RABGEF1: variants seen among roughly 807,000 people sequenced by gnomAD.
RABGEF1 encodes rab5 GDP/GTP exchange factor.
Under a neutral mutation model 57.3 loss-of-function variants are expected in RABGEF1, and 26 were observed. The observed-to-expected ratio is 0.45, with a 90% CI of 0.33 to 0.63. The LOEUF is 0.63. Among genes scored for constraint, RABGEF1 ranks in the 20% least tolerant of loss-of-function variants. RABGEF1 has a pLI of 0.02. For missense variants in RABGEF1, 464 were observed against 607.6 expected (o/e 0.76, Z 2.48); for synonymous variants, 185 against 210.7 (o/e 0.88, Z 1.06).
At chr7:66,759,717 C>T (rs1803762328) in intron 1 of RABGEF1, among the ~76,000 whole-genome samples, 2 of 152,158 alleles carry the variant, frequency 1.3e-5, no homozygotes, top group African/African-American at 2.4e-5. Flanking sequence ...CACGTTTAAA[C>T]AACCAGATCT....
chr7:66,700,874 C>T (rs1793144327), intron 1 of RABGEF1, among the ~76,000 whole-genome samples: 1 of 152,026 alleles, frequency 6.6e-6, no homozygotes, highest in African/African-American at 2.4e-5. Context: ...GGCTGCTGGC[C>T]CTGTCCAGAC....
chr7:66,799,290 T>G, intron 6 of RABGEF1, 33 bp from the exon 7 acceptor site: 4 of 1,531,602 alleles, frequency 2.6e-6, no homozygotes, highest in Non-Finnish European at 2.7e-6. Flanking sequence ...AGTTTATCCT[T>G]GGAGCTCTTG....
intron 1 of RABGEF1, among the ~76,000 whole-genome samples, chr7:66,684,472 CAAGAA>C (rs1297094728): frequency 6.6e-6 from 1 of 151,800 alleles, no homozygotes; most frequent in Non-Finnish European, 1.5e-5. Context: ...AAAACAAAAA[CAAGAA>C]AAGGTCTCTA....
the RABGEF1 span, among the ~76,000 whole-genome samples, chr7:66,655,589 C>G: frequency 3.7e-4 from 57 of 152,258 alleles, 1 homozygote; most frequent in Non-Finnish European, 3.4e-4. Context: ...ATGCAGGTGT[C>G]AAACTCCTGG....
At chr7:66,688,408 A>G (rs1791029844) in intron 1 of RABGEF1, among the ~76,000 whole-genome samples, 2 of 152,326 alleles carry the variant, frequency 1.3e-5, no homozygotes, top group South Asian at 2.1e-4. Context: ...TGATAATCCA[A>G]CTAGATCTAA....
chr7:66,657,002 CA>C, the RABGEF1 span, among the ~76,000 whole-genome samples: 1 of 152,050 alleles, frequency 6.6e-6, no homozygotes, highest in Non-Finnish European at 1.5e-5. Context: ...AGCATCAAAA[CA>C]TATGAAGTAA....
At chr7:66,731,801 C>T (rs1358666195) in intron 2 of RABGEF1, among the ~76,000 whole-genome samples, 2 of 152,186 alleles carry the variant, frequency 1.3e-5, no homozygotes, top group East Asian at 3.8e-4. Flanking sequence ...TCATCTAGAG[C>T]TGCCCCAGAC....
At chr7:66,778,503 T>C (rs1396938467) in intron 3 of RABGEF1, among the ~76,000 whole-genome samples, 2 of 152,226 alleles carry the variant, frequency 1.3e-5, no homozygotes, top group African/African-American at 2.4e-5. Context: ...AGTGCCCTTT[T>C]CTTTCAGAAC....
intron 1 of RABGEF1, among the ~76,000 whole-genome samples, chr7:66,687,873 G>C (rs1227348260): frequency 6.6e-6 from 1 of 152,012 alleles, no homozygotes; most frequent in Non-Finnish European, 1.5e-5. Context: ...ATCCCTTGAG[G>C]TCGGGAGTTC....
In RABGEF1 at chr7:66,708,139, C is replaced by G. The variant is rs565558038; in HGVS notation, c.-872-4028C>G. 2.6e-5 allele frequency among the ~76,000 whole-genome samples: 4 copies of G among 152,120 alleles called. No homozygotes were observed. In the South Asian group the frequency reaches 8.3e-4, roughly 32 times the overall value. On this transcript the variant is annotated intron_variant and NMD_transcript_variant, in intron 1 of 9. Transcript: ENST00000607882. ...ATTCCTTGGTTCTTCCATTATAGCC[C>G]TCCTTTTATGTTCTGTAGATACTCT...
At chr7:66,760,440 G>GTTT (rs1803998454) in intron 1 of RABGEF1, among the ~76,000 whole-genome samples, 1 of 138,798 alleles carries the variant, frequency 7.2e-6, no homozygotes, top group African/African-American at 2.6e-5. Context: ...TGGTTAGCAT[G>GTTT]TATTTTTTTT....
chr7:66,694,097 C>T (rs538119763), intron 1 of RABGEF1, among the ~76,000 whole-genome samples: 2 of 152,364 alleles, frequency 1.3e-5, no homozygotes, highest in East Asian at 1.9e-4. Flanking sequence ...GCGTGAGCCA[C>T]TGCACCCAGC....
the RABGEF1 span, among the ~76,000 whole-genome samples, chr7:66,661,599 T>C: frequency 2.6e-5 from 4 of 152,048 alleles, no homozygotes; most frequent in Non-Finnish European, 5.9e-5. Context: ...GGTAAACCTA[T>C]AACTAGTAAG....
At chr7:66,757,570 G>A (rs1480055751) in intron 1 of RABGEF1, among the ~76,000 whole-genome samples, 2 of 152,182 alleles carry the variant, frequency 1.3e-5, no homozygotes, top group African/African-American at 4.8e-5. Context: ...GAACACTATA[G>A]GAATATGTAC....
intron 1 of RABGEF1, among the ~76,000 whole-genome samples, chr7:66,704,297 T>C (rs1437884061): frequency 2.6e-5 from 4 of 152,162 alleles, no homozygotes; most frequent in African/African-American, 9.7e-5. Context: ...TTGTTGCAGG[T>C]TTTTAAAAAA....
chr7:66,796,023 G>T (rs1021691546), intron 5 of RABGEF1, among the ~76,000 whole-genome samples: 1 of 152,132 alleles, frequency 6.6e-6, no homozygotes, highest in Admixed American at 6.5e-5. Context: ...TCTTATCCCA[G>T]CTACTCGGGA....
chr7:66,691,235 A>G (rs1791468307), intron 1 of RABGEF1, among the ~76,000 whole-genome samples: 1 of 152,142 alleles, frequency 6.6e-6, no homozygotes. Flanking sequence ...TTAGTTGTAC[A>G]CCTCCCATAC....
At chr7:66,803,900 A>AG (rs1562885131) in intron 7 of RABGEF1, among the ~76,000 whole-genome samples, 2 of 151,850 alleles carry the variant, frequency 1.3e-5, no homozygotes, top group East Asian at 3.9e-4. Context: ...AAAAAAAAAA[A>AG]AAAGAAAGAA....
intron 4 of RABGEF1, among the ~76,000 whole-genome samples, chr7:66,794,231 T>C (rs1276299707): frequency 7.1e-6 from 1 of 141,744 alleles, no homozygotes; most frequent in African/African-American, 2.5e-5. Context: ...TTTTTTTTTT[T>C]TACTTATTAT....
Sources: gnomAD v4.1 joint callset for allele counts (sites outside exome capture counted in the v4.1 genomes callset) on GRCh38, gnomAD v4.1.1 for gene constraint, MANE v1.5 for transcripts, NCBI Gene and HGNC (gene_info 2026-07-23, HGNC 2026-07-21) for gene names.